PTPN3: variants seen among roughly 807,000 people sequenced by gnomAD.
The protein encoded by PTPN3 is tyrosine-protein phosphatase non-receptor type 3.
Under a neutral mutation model 132.7 loss-of-function variants are expected in PTPN3, and 96 were observed. The ratio of observed to expected loss-of-function variants is 0.72; its 90% CI spans 0.61 to 0.86. PTPN3 has a LOEUF of 0.86. PTPN3 is among the 40% of genes least tolerant of loss of function. The pLI, the probability that PTPN3 is intolerant of heterozygous loss-of-function variation, is 0.00. For missense variants in PTPN3, 1,125 were observed against 1,159.6 expected, an observed-to-expected ratio of 0.97 and a Z score of 0.43; for synonymous variants, 398 against 429.0, an observed-to-expected ratio of 0.93 and a Z score of 0.89.
intron 9 of PTPN3, among the ~76,000 whole-genome samples, chr9:109,435,262 A>G (rs1291020593): frequency 2.6e-5 from 4 of 152,050 alleles, no homozygotes; most frequent in Admixed American, 6.6e-5. Flanking sequence ...CCCAGGCCCA[A>G]CCCCACATTT....
the PTPN3 span, among the ~76,000 whole-genome samples, chr9:109,537,372 C>T: frequency 3.3e-5 from 5 of 152,174 alleles, no homozygotes; most frequent in Admixed American, 6.5e-5. Context: ...ATAGAATTGT[C>T]AAACATTTTT....
At chr9:109,398,104 T>C (rs1384791007) in intron 19 of PTPN3, among the ~76,000 whole-genome samples, 2 of 152,074 alleles carry the variant, frequency 1.3e-5, no homozygotes, top group Admixed American at 1.3e-4. Flanking sequence ...TGAAACCCCA[T>C]CTCTACTTAA....
chr9:109,469,087 C>G (rs931421957), intron 1 of PTPN3, among the ~76,000 whole-genome samples: 6 of 152,188 alleles, frequency 3.9e-5, no homozygotes, highest in Non-Finnish European at 7.4e-5. Flanking sequence ...CACCCTGGGC[C>G]CATGAGACAC....
At chr9:109,417,727 A>C in intron 14 of PTPN3, 1 of 985,242 alleles carries the variant, frequency 1.0e-6, no homozygotes, top group Non-Finnish European at 1.2e-6. Context: ...TGTTCATCCC[A>C]CTTGCAGAGC....
chr9:109,415,125 TC>T (rs1171947210), intron 14 of PTPN3, among the ~76,000 whole-genome samples: 3 of 141,024 alleles, frequency 2.1e-5, no homozygotes, highest in Non-Finnish European at 4.7e-5. Flanking sequence ...CATCCATCCA[TC>T]CAAATAGTCA....
At chr9:109,528,778 C>A in the PTPN3 span, among the ~76,000 whole-genome samples, 1 of 151,630 alleles carries the variant, frequency 6.6e-6, no homozygotes, top group African/African-American at 2.4e-5. Context: ...TTTCCTTTTC[C>A]TTCTCCTCCT....
rs770064276 is a variant in PTPN3, at chr9:109,408,375, TC to T, written c.1580del (p.Gly527GlufsTer14). On this transcript the variant is annotated frameshift_variant and splice_region_variant, in exon 17 of 26. Transcript: ENST00000374541. LOFTEE classifies it high-confidence loss of function. The stretch of plus-strand genomic sequence containing the variant: ...CAAGAGGCATCTTTTGATCCACTCC[TC>T]CCTGTAAACATTTTAAAATAAAAAC... Reference protein sequence around the residue: ...EDGKFGFNLKGGVDQKMPLVV... With the variant: ...EDGKFGFNLKXGVDQKMPLVV... 1 of 1,585,630 alleles carries T rather than the reference TC, an allele frequency of 6.3e-7. No homozygotes were observed. Among genetic ancestry groups the T allele is most frequent in the Non-Finnish European group, 8.6e-7 (1 of 1,162,886 alleles).
At chr9:109,452,724 T>G (rs1328323614) in intron 5 of PTPN3, among the ~76,000 whole-genome samples, 3 of 152,064 alleles carry the variant, frequency 2.0e-5, no homozygotes, top group African/African-American at 7.2e-5. Context: ...ACCTGACTAC[T>G]TTTTTATTTT....
chr9:109,437,277 A>T (rs1049726460), intron 8 of PTPN3, among the ~76,000 whole-genome samples: 1 of 152,314 alleles, frequency 6.6e-6, no homozygotes, highest in South Asian at 2.1e-4. Flanking sequence ...CCAAGTTGCT[A>T]ATTAGTAGGG....
chr9:109,486,235 G>A (rs893031075), intron 1 of PTPN3, among the ~76,000 whole-genome samples: 1 of 152,168 alleles, frequency 6.6e-6, no homozygotes, highest in Non-Finnish European at 1.5e-5. Flanking sequence ...GGGAAGCCCT[G>A]GCTTATAGCA....
chr9:109,518,114 C>A, the PTPN3 span, among the ~76,000 whole-genome samples: 4 of 114,030 alleles, frequency 3.5e-5, no homozygotes, highest in African/African-American at 1.2e-4. Flanking sequence ...CTGCTCAGGT[C>A]TCTCTAAGTA....
intron 22 of PTPN3, among the ~76,000 whole-genome samples, chr9:109,383,891 C>A (rs542325725): frequency 6.6e-6 from 1 of 152,058 alleles, no homozygotes; most frequent in East Asian, 1.9e-4. Flanking sequence ...CAGACCCCAG[C>A]CCCTCAGGCC....
chr9:109,535,451 C>T, the PTPN3 span, among the ~76,000 whole-genome samples: 4 of 152,180 alleles, frequency 2.6e-5, no homozygotes, highest in Non-Finnish European at 5.9e-5. Context: ...TCCAGGCTTG[C>T]AAGAGCTGAT....
At position 109,406,457 on chromosome 9, in the gene PTPN3, A is replaced by G. The variant is rs759164506; in HGVS notation, c.1792+5T>C. The G allele has an allele frequency of 6.2e-7, 1 of 1,613,030 alleles. No individual in the cohort carries two copies. Among genetic ancestry groups the G allele is most frequent in the Non-Finnish European group, 8.5e-7 (1 of 1,179,284 alleles). On this transcript the variant is annotated splice_donor_5th_base_variant and intron_variant, in intron 18 of 25. Coordinates refer to ENST00000374541, the MANE Select transcript of PTPN3 (RefSeq NM_002829.4). ...CTATGGCTCCTCCCCCCAGGTGGCC[A>G]TTACCTCTCCTCCTGATCACCAGGG...
chr9:109,503,310 G>A (rs944700259), upstream of PTPN3, among the ~76,000 whole-genome samples: 24 of 152,146 alleles, frequency 1.6e-4, no homozygotes, highest in African/African-American at 5.3e-4. Context: ...GTCAAATTCA[G>A]GACACTTCAT....
At chr9:109,404,698 A>G in intron 18 of PTPN3, 90 bp from the exon 19 acceptor site, 1 of 1,305,620 alleles carries the variant, frequency 7.7e-7, no homozygotes, top group Non-Finnish European at 9.9e-7. Context: ...TGACACCTGA[A>G]TGCAGATGGT....
At chr9:109,490,457 G>C (rs1232797005) in intron 1 of PTPN3, among the ~76,000 whole-genome samples, 1 of 152,178 alleles carries the variant, frequency 6.6e-6, no homozygotes, top group Non-Finnish European at 1.5e-5. Context: ...TCAAGGTCTG[G>C]CTGGGCATGG....
intron 12 of PTPN3, 79 bp downstream of exon 12, chr9:109,426,871 C>A: frequency 6.9e-7 from 1 of 1,448,704 alleles, no homozygotes; most frequent in Non-Finnish European, 9.5e-7. Context: ...CTCTGCCTAA[C>A]AATGTCCTCT....
At chr9:109,476,654 G>C (rs1473782724) in intron 1 of PTPN3, among the ~76,000 whole-genome samples, 1 of 152,192 alleles carries the variant, frequency 6.6e-6, no homozygotes, top group Non-Finnish European at 1.5e-5. Context: ...TGAAGGAATA[G>C]CCAGACCTGG....
Sources: gnomAD v4.1 joint callset for allele counts (sites outside exome capture counted in the v4.1 genomes callset) on GRCh38, gnomAD v4.1.1 for gene constraint, MANE v1.5 for transcripts, NCBI Gene and HGNC (gene_info 2026-07-23, HGNC 2026-07-21) for gene names.